PWP1: variants seen among roughly 807,000 people sequenced by gnomAD.
PWP1 encodes the protein PWP1 homolog, endonuclein, also known as periodic tryptophan protein 1 homolog.
Under a neutral mutation model 69.9 loss-of-function variants are expected in PWP1, and 47 were observed. The ratio of observed to expected loss-of-function variants is 0.67; its 90% CI spans 0.53 to 0.86. The LOEUF is 0.86. Ranked by LOEUF, PWP1 falls within the 40% of genes least tolerant of loss-of-function variation. The probability of loss-of-function intolerance (pLI) is 0.00; values close to 1 mark genes in which losing one functional copy is unlikely to be tolerated. For missense variants in PWP1, 551 were observed against 608.8 expected (o/e 0.91, Z 1.00); for synonymous variants, 222 against 208.2 (o/e 1.07, Z -0.57).
chr12:107,701,812 G>A (rs567043344), intron 8 of PWP1, among the ~76,000 whole-genome samples: 2 of 152,212 alleles, frequency 1.3e-5, no homozygotes, highest in Non-Finnish European at 2.9e-5. Context: ...TGAGTAGCTG[G>A]GATTACTGGT....
chr12:107,709,486 T>C (rs1458588851), intron 13 of PWP1, among the ~76,000 whole-genome samples: 16 of 151,866 alleles, frequency 1.1e-4, no homozygotes, highest in Admixed American at 1.1e-3. Context: ...GAGAGGGTTT[T>C]CTAGGACACA....
chr12:107,706,641 A>T (rs7398764), intron 11 of PWP1, among the ~76,000 whole-genome samples: 1 of 151,976 alleles, frequency 6.6e-6, no homozygotes, highest in Non-Finnish European at 1.5e-5. Context: ...TCCCAGCACC[A>T]TTTATTAAAT....
chr12:107,712,263 A>T lies in PWP1; in HGVS notation c.*43A>T, dbSNP rs764601665. 4 of 1,527,416 alleles carry T rather than the reference A, an allele frequency of 2.6e-6. No homozygotes were observed. In the Admixed American group the frequency reaches 6.8e-5, roughly 26 times the overall value. The allele number at this position is 1,527,416 out of a possible 1,614,324, so 94.6% of individuals were successfully genotyped here. ...CCTGCTTACCTTAACTGGGAATTTT[A>T]AAAAGTTGGCCTAAAAATGTTCCAT... On this transcript the variant is annotated 3_prime_UTR_variant, in exon 15 of 15. Transcript: ENST00000412830.
At chr12:107,686,437 G>A (rs947778319) in intron 1 of PWP1, among the ~76,000 whole-genome samples, 5 of 152,174 alleles carry the variant, frequency 3.3e-5, no homozygotes, top group Admixed American at 2.0e-4. Context: ...TGGTGTGGAG[G>A]CTAAGATGTC....
intron 1 of PWP1, 62 bp downstream of exon 1, chr12:107,686,033 A>G (rs1328420767): frequency 6.4e-7 from 1 of 1,570,598 alleles, no homozygotes; most frequent in Non-Finnish European, 8.7e-7. Flanking sequence ...GGGTCCGCCC[A>G]GCTGGGGGAA....
At chr12:107,709,047 C>T in intron 12 of PWP1, 31 bp downstream of exon 12, 4 of 1,613,176 alleles carry the variant, frequency 2.5e-6, no homozygotes, top group Non-Finnish European at 3.4e-6. Flanking sequence ...TTTCATTTTT[C>T]TTAACTTATG....
In PWP1 at chr12:107,693,599, C is replaced by G. The variant is rs151318184; in HGVS notation, c.502+503C>G. On this transcript the variant is annotated intron_variant, in intron 5 of 14. Transcript: ENST00000412830. ...AAAAATACAAGGCTGGGTGCGGTGT[C>G]TCACACCTGTAATCCCAGTACTTTG... Among the ~76,000 whole-genome samples the G allele has an allele frequency of 2.8e-3, 432 of 152,204 alleles. 3 individuals are homozygous for G. Among genetic ancestry groups the G allele is most frequent in the Admixed American group, 5.8e-3 (88 of 15,282 alleles).
At chr12:107,696,795 G>A (rs1360459302) in intron 6 of PWP1, among the ~76,000 whole-genome samples, 1 of 152,196 alleles carries the variant, frequency 6.6e-6, no homozygotes, top group African/African-American at 2.4e-5. Context: ...GGCTAAGGAG[G>A]TAGCTGCTCT....
In PWP1 at chr12:107,712,331, T is replaced by C. The variant is rs940756379; in HGVS notation, c.*111T>C. ...CAGAGTGACTGAAACACAATTCATT[T>C]CTGACTGACATTCCTTTCTGCAACT... On this transcript the variant is annotated 3_prime_UTR_variant, in exon 15 of 15. Coordinates refer to ENST00000412830, the MANE Select transcript of PWP1 (RefSeq NM_007062.3). The C allele has an allele frequency of 4.0e-6, 3 of 748,616 alleles. No homozygotes were observed. Among genetic ancestry groups the C allele is most frequent in the Non-Finnish European group, 6.7e-6 (3 of 446,760 alleles). The allele number at this position is 748,616 out of a possible 1,614,324, so 46.4% of individuals were successfully genotyped here.
chr12:107,702,222 AT>A (rs1373721580), intron 8 of PWP1, among the ~76,000 whole-genome samples: 1 of 149,890 alleles, frequency 6.7e-6, no homozygotes, highest in Non-Finnish European at 1.5e-5. Context: ...GGTTCCTTGC[AT>A]TTTTAGAATC....
At chr12:107,696,806 A>G (rs938097579) in intron 6 of PWP1, among the ~76,000 whole-genome samples, 18 of 152,312 alleles carry the variant, frequency 1.2e-4, no homozygotes, top group African/African-American at 3.9e-4. Context: ...TAGCTGCTCT[A>G]CTACAGGCTG....
chr12:107,710,027 A>T (rs1231631873), intron 13 of PWP1, among the ~76,000 whole-genome samples: 1 of 152,230 alleles, frequency 6.6e-6, no homozygotes, highest in African/African-American at 2.4e-5. Flanking sequence ...AAGAAAACAA[A>T]GTTTAAAAAT....
At chr12:107,710,567 A>G in intron 14 of PWP1, 57 bp downstream of exon 14, 1 of 1,481,000 alleles carries the variant, frequency 6.8e-7, no homozygotes, top group East Asian at 2.3e-5. Context: ...AAAAAAAAAA[A>G]AAAAAAGACA....
At chr12:107,690,466 T>C (rs1889457561) in intron 3 of PWP1, among the ~76,000 whole-genome samples, 2 of 152,088 alleles carry the variant, frequency 1.3e-5, no homozygotes, top group South Asian at 4.1e-4. Context: ...AATAATATAC[T>C]TTTTTTTGTG....
At chr12:107,709,055 A>G (rs1431083184) in intron 12 of PWP1, 39 bp downstream of exon 12, 1 of 1,613,516 alleles carries the variant, frequency 6.2e-7, no homozygotes. Context: ...TTCTTAACTT[A>G]TGATGAAGTA....
intron 11 of PWP1, among the ~76,000 whole-genome samples, chr12:107,708,034 G>A (rs539740433): frequency 6.6e-6 from 1 of 152,290 alleles, no homozygotes; most frequent in African/African-American, 2.4e-5. Context: ...TGCACGATTA[G>A]TAGAGGTGCA....
intron 1 of PWP1, among the ~76,000 whole-genome samples, chr12:107,688,021 A>T (rs1889402976): frequency 1.6e-5 from 2 of 126,330 alleles, no homozygotes; most frequent in African/African-American, 6.1e-5. Flanking sequence ...ACAGAGCGAG[A>T]CTCCGTCTCA....
Position 107,712,474 on chromosome 12 carries a change from T to TAAAC in PWP1, c.*256_*259dup. The TAAAC allele has an allele frequency of 3.3e-6, 1 of 301,614 alleles. No individual in the cohort carries two copies. The highest frequency in any genetic ancestry group is 6.2e-6 in the Non-Finnish European group (1 of 162,398). 18.7% of individuals were successfully genotyped at this position (301,614 alleles called of 1,614,324 possible). A position where few individuals can be genotyped will look rare whatever the true frequency, so the allele number is the denominator to read the frequency against. ...AAAGGATTTTTAAAAAGTAATTCCTTAAACATACCATCTGTCACAGTTAAT... is the reference window on the plus strand; with the variant it reads ...AAAGGATTTTTAAAAAGTAATTCCTTAAACAAACATACCATCTGTCACAGTTAAT... On this transcript the variant is annotated 3_prime_UTR_variant, in exon 15 of 15. Coordinates refer to ENST00000412830, the MANE Select transcript of PWP1 (RefSeq NM_007062.3).
At chr12:107,709,540 T>A (rs891208219) in intron 13 of PWP1, among the ~76,000 whole-genome samples, 1 of 146,490 alleles carries the variant, frequency 6.8e-6, no homozygotes, top group African/African-American at 2.5e-5. Context: ...AACCCTGAAA[T>A]CAAGACCATC....
Sources: allele counts gnomAD v4.1 joint callset (sites outside exome capture counted in the v4.1 genomes callset), GRCh38; gene constraint gnomAD v4.1.1; transcripts MANE v1.5; gene names NCBI Gene and HGNC (gene_info 2026-07-23, HGNC 2026-07-21).